Variants in MET observed in about 807,000 individuals in gnomAD.
The protein encoded by MET is MET proto-oncogene, receptor tyrosine kinase, also known as hepatocyte growth factor receptor.
MET carries 48 observed loss-of-function variants against 133.1 expected under a neutral mutation model. That is an observed-to-expected ratio of 0.36 (90% CI 0.29 to 0.46). The LOEUF (loss-of-function observed/expected upper bound fraction) is 0.46. Ranked by LOEUF, MET falls within the 20% of genes least tolerant of loss-of-function variation. MET has a pLI of 1.00. For missense variants in MET, 1,442 were observed against 1,695.9 expected (o/e 0.85, Z 2.63); for synonymous variants, 628 against 616.5 (o/e 1.02, Z -0.28).
chr7:116,726,937 C>T (rs1343122346), intron 2 of MET, among the ~76,000 whole-genome samples: 3 of 152,058 alleles, frequency 2.0e-5, no homozygotes, highest in Non-Finnish European at 4.4e-5. Flanking sequence ...CCCAGAAGCA[C>T]CACTGTGGAC....
intron 1 of MET, among the ~76,000 whole-genome samples, chr7:116,683,259 G>C (rs113841457): frequency 0.019 from 2,839 of 152,208 alleles, 71 homozygotes; most frequent in East Asian, 0.069. Flanking sequence ...CTTTCTTTGT[G>C]TTCATAGGTT....
chr7:116,735,084 C>T (rs1273810906), intron 3 of MET, among the ~76,000 whole-genome samples: 1 of 152,124 alleles, frequency 6.6e-6, no homozygotes, highest in African/African-American at 2.4e-5. Flanking sequence ...AGAATTGTTT[C>T]AAGTTCAGCT....
intron 1 of MET, among the ~76,000 whole-genome samples, chr7:116,686,169 A>G (rs1392437791): frequency 6.6e-6 from 1 of 152,000 alleles, no homozygotes; most frequent in East Asian, 1.9e-4. Flanking sequence ...TTTCACTCCA[A>G]TAAAAACCTG....
intron 3 of MET, among the ~76,000 whole-genome samples, chr7:116,736,435 T>G (rs1343020085): frequency 1.3e-5 from 2 of 152,206 alleles, no homozygotes; most frequent in African/African-American, 4.8e-5. Flanking sequence ...TACAAACATC[T>G]TATCTTAAAT....
chr7:116,776,329 C>CT (rs1266790730), intron 15 of MET, among the ~76,000 whole-genome samples: 2 of 152,220 alleles, frequency 1.3e-5, no homozygotes, highest in East Asian at 3.8e-4. Flanking sequence ...TAACAAACAT[C>CT]TTTCCATTTC....
chr7:116,685,289 C>G (rs1395804138), intron 1 of MET, among the ~76,000 whole-genome samples: 1 of 152,174 alleles, frequency 6.6e-6, no homozygotes. Context: ...ATGCTGACAA[C>G]TTCTTAATTT....
intron 2 of MET, among the ~76,000 whole-genome samples, chr7:116,714,316 A>T (rs1235380576): frequency 6.6e-6 from 1 of 152,198 alleles, no homozygotes; most frequent in Non-Finnish European, 1.5e-5. Flanking sequence ...TTTATATTTA[A>T]ATGCGTTTGT....
intron 5 of MET, among the ~76,000 whole-genome samples, chr7:116,753,279 C>T (rs1359809768): frequency 6.6e-6 from 1 of 152,208 alleles, no homozygotes; most frequent in Non-Finnish European, 1.5e-5. Context: ...AATACCTTTA[C>T]TGGTTCTTGA....
intron 2 of MET, among the ~76,000 whole-genome samples, chr7:116,728,659 T>G (rs1437473226): frequency 5.3e-5 from 8 of 152,198 alleles, no homozygotes; most frequent in Non-Finnish European, 1.0e-4. Context: ...CTCTGGTGAC[T>G]TTGCAGATGC....
At chr7:116,755,011 A>AGAAAGAAC (rs1794114845) in intron 5 of MET, among the ~76,000 whole-genome samples, 3 of 150,768 alleles carry the variant, frequency 2.0e-5, no homozygotes, top group Non-Finnish European at 4.4e-5. Flanking sequence ...AAAGAAAGAA[A>AGAAAGAAC]GAAAGAAAGA....
At chr7:116,694,876 G>A (rs1796908003) in intron 1 of MET, among the ~76,000 whole-genome samples, 2 of 152,042 alleles carry the variant, frequency 1.3e-5, no homozygotes, top group Non-Finnish European at 1.5e-5. Flanking sequence ...TAGTAGAGAC[G>A]GGGTTTCACC....
At chr7:116,737,783 C>T (rs1178384187) in intron 3 of MET, among the ~76,000 whole-genome samples, 5 of 151,994 alleles carry the variant, frequency 3.3e-5, no homozygotes, top group South Asian at 4.2e-4. Context: ...AAAGAGCTTC[C>T]GAAAAGAAAG....
chr7:116,757,081 A>AT (rs1264467440), intron 6 of MET, among the ~76,000 whole-genome samples: 5 of 150,542 alleles, frequency 3.3e-5, no homozygotes, highest in East Asian at 3.9e-4. Flanking sequence ...AAAAAAAAAA[A>AT]TTTTTTTTTA....
At chr7:116,729,719 T>A (rs1792924084) in intron 2 of MET, among the ~76,000 whole-genome samples, 1 of 152,186 alleles carries the variant, frequency 6.6e-6, no homozygotes, top group African/African-American at 2.4e-5. Flanking sequence ...AATTCCCAGC[T>A]ATCTCCTTAG....
At chr7:116,696,635 C>T (rs1796976244) in intron 1 of MET, among the ~76,000 whole-genome samples, 1 of 152,238 alleles carries the variant, frequency 6.6e-6, no homozygotes, top group Non-Finnish European at 1.5e-5. Context: ...GATTTCTCAA[C>T]TGTGGGTATC....
rs779093896 is a variant in MET, at chr7:116,699,511, C to T, written c.427C>T (p.Arg143Ter). ...CGSVNRGTCQ[R>*]HVFPHNHTAD... ...CAGCGTCAACAGAGGGACCTGCCAG[C>T]GACATGTCTTTCCCCACAATCATAC... Residue 143 changes from arginine to a stop codon, truncating the protein, a stop_gained, in exon 2 of 21, where the codon CGA (arginine) becomes TGA (stop). Transcript: ENST00000397752. LOFTEE classifies it high-confidence loss of function. 3.1e-6 allele frequency: 5 copies of T among 1,613,966 alleles called. No individual in the cohort carries two copies. Among genetic ancestry groups the T allele is most frequent in the East Asian group, 2.2e-5 (1 of 44,884 alleles).
chr7:116,707,534 T>A (rs1461541407), intron 2 of MET, among the ~76,000 whole-genome samples: 2 of 152,200 alleles, frequency 1.3e-5, no homozygotes, highest in African/African-American at 4.8e-5. Context: ...TCATGATTAG[T>A]TAAAATTTGT....
chr7:116,717,278 C>G (rs1179715527), intron 2 of MET, among the ~76,000 whole-genome samples: 1 of 152,184 alleles, frequency 6.6e-6, no homozygotes, highest in Admixed American at 6.5e-5. Context: ...TCTTAGACAT[C>G]TCAGTACAGA....
chr7:116,736,211 T>C (rs1793205277), intron 3 of MET, among the ~76,000 whole-genome samples: 2 of 152,290 alleles, frequency 1.3e-5, no homozygotes, highest in African/African-American at 2.4e-5. Context: ...TTATATGAAA[T>C]ATCTAGAATA....
Sources: gnomAD v4.1 joint callset for allele counts (sites outside exome capture counted in the v4.1 genomes callset) on GRCh38, gnomAD v4.1.1 for gene constraint, MANE v1.5 for transcripts, NCBI Gene and HGNC (gene_info 2026-07-23, HGNC 2026-07-21) for gene names.